HYDIN: variants seen among roughly 807,000 people sequenced by gnomAD.
The protein encoded by HYDIN is axonemal central pair apparatus protein HYDIN.
A neutral mutation model predicts 403.9 loss-of-function variants in HYDIN; 132 were observed. The observed-to-expected ratio is 0.33, with a 90% CI of 0.28 to 0.38. The LOEUF is 0.38. Among genes scored for constraint, HYDIN ranks in the 10% least tolerant of loss-of-function variants. HYDIN has a pLI of 1.00. For synonymous variants in HYDIN, 1,202 were observed against 1,891.7 expected, an observed-to-expected ratio of 0.64 and a Z score of 9.46; for missense variants, 2,827 against 5,009.5, an observed-to-expected ratio of 0.56 and a Z score of 13.15.
At chr16:70,966,801 G>A (rs1222881026) in intron 36 of HYDIN, among the ~76,000 whole-genome samples, 1 of 152,118 alleles carries the variant, frequency 6.6e-6, no homozygotes, top group Non-Finnish European at 1.5e-5. Flanking sequence ...CAGAGAATGA[G>A]CTGTAGACAA....
intron 5 of HYDIN, among the ~76,000 whole-genome samples, chr16:71,168,925 G>A (rs1229585822): frequency 2.0e-5 from 3 of 152,146 alleles, no homozygotes; most frequent in Non-Finnish European, 4.4e-5. Context: ...AATTAGTACA[G>A]CCATTATGGA....
intron 10 of HYDIN, among the ~76,000 whole-genome samples, chr16:71,101,699 G>A (rs1433331163): frequency 6.6e-6 from 1 of 152,138 alleles, no homozygotes; most frequent in Non-Finnish European, 1.5e-5. Flanking sequence ...AATACTAAGA[G>A]AAGTCAAGGT....
chr16:71,227,800 G>GA (rs2041105739), intron 1 of HYDIN, among the ~76,000 whole-genome samples: 1 of 152,084 alleles, frequency 6.6e-6, no homozygotes, highest in Non-Finnish European at 1.5e-5. Context: ...CACAGAATTG[G>GA]AAAAAACTAC....
Position 71,184,917 on chromosome 16 carries a change from C to G in HYDIN, c.209G>C (p.Cys70Ser), listed in dbSNP as rs2087074664. 6.2e-7 allele frequency: 1 copy of G among 1,610,352 alleles called. No homozygotes were observed. Among genetic ancestry groups the G allele is most frequent in the African/African-American group, 1.3e-5 (1 of 74,718 alleles). The stretch of plus-strand genomic sequence containing the variant: ...TAAGAGTTCGATGATCTGTGGTCGG[C>G]ACATCAAACGTGTTTTTGCCAGTCT... Reference protein sequence around the residue: ...EQRLAKTRLMCRPQIIELLDM... With the variant: ...EQRLAKTRLMSRPQIIELLDM... The change falls in exon 3 of 86, where the codon TGC becomes TCC. Residue 70 changes from cysteine (C) to serine (S), a missense_variant. Physicochemically the swap from Cys to Ser is moderately radical, Grantham distance 112 (BLOSUM62 -1). Coordinates refer to ENST00000393567, the MANE Select transcript of HYDIN (RefSeq NM_001270974.2).
chr16:71,200,206 T>C (rs1026811295), intron 1 of HYDIN, among the ~76,000 whole-genome samples: 4 of 152,172 alleles, frequency 2.6e-5, no homozygotes, highest in African/African-American at 7.2e-5. Context: ...ATCAAAGAAA[T>C]AACCCATAAA....
chr16:70,874,904 G>T lies in HYDIN; in HGVS notation c.10573C>A (p.Gln3525Lys), dbSNP rs776475761. Residue 3525 changes from glutamine to lysine, a missense_variant, in exon 63 of 86, where the codon CAG (glutamine) becomes AAG (lysine). Transcript: ENST00000393567. ...VLPAQLHVDL[Q>K]DELGVFSLKG... ...AGGGAGAAGACTCCTAGCTCATCCT[G>T]CAGGTCAACATGCAGCTGGCAGAAG... is the stretch of plus-strand genomic sequence containing the variant. 5 of 1,605,406 alleles carry T rather than the reference G, an allele frequency of 3.1e-6. No individual in the cohort carries two copies. Among genetic ancestry groups the T allele is most frequent in the Non-Finnish European group, 4.2e-6 (5 of 1,177,004 alleles).
intron 1 of HYDIN, among the ~76,000 whole-genome samples, chr16:71,219,878 A>G (rs1298300097): frequency 6.6e-6 from 1 of 152,224 alleles, no homozygotes; most frequent in Admixed American, 6.5e-5. Context: ...ATGAGGAAAC[A>G]GATCTTGGAA....
At chr16:70,921,942 C>G (rs1004370020) in intron 45 of HYDIN, among the ~76,000 whole-genome samples, 6 of 152,218 alleles carry the variant, frequency 3.9e-5, no homozygotes, top group Non-Finnish European at 8.8e-5. Context: ...CTGATTTTCT[C>G]CTCCCCTGGA....
intron 18 of HYDIN, among the ~76,000 whole-genome samples, chr16:71,041,899 A>T (rs8062065): frequency 0.043 from 6,607 of 152,298 alleles, 528 homozygotes; most frequent in African/African-American, 0.15. Flanking sequence ...CTCTTGCTGC[A>T]GTCTCATTCC....
At chr16:70,939,625 T>C (rs2077607473) in intron 43 of HYDIN, among the ~76,000 whole-genome samples, 2 of 152,228 alleles carry the variant, frequency 1.3e-5, no homozygotes, top group South Asian at 2.1e-4. Flanking sequence ...ATCATTCTTA[T>C]CTGTGATTAT....
intron 1 of HYDIN, among the ~76,000 whole-genome samples, chr16:71,224,917 C>A (rs999116238): frequency 1.3e-5 from 2 of 152,136 alleles, no homozygotes; most frequent in Non-Finnish European, 2.9e-5. Context: ...AGGGAAATGG[C>A]CTCTCATCAA....
At chr16:70,928,244 C>T (rs1304767497) in intron 45 of HYDIN, among the ~76,000 whole-genome samples, 2 of 152,220 alleles carry the variant, frequency 1.3e-5, no homozygotes, top group African/African-American at 2.4e-5. Flanking sequence ...GGGTGGACTG[C>T]TTGAGCCCGG....
chr16:71,081,459 G>GC (rs2082783516), intron 12 of HYDIN, among the ~76,000 whole-genome samples: 1 of 151,828 alleles, frequency 6.6e-6, no homozygotes, highest in Admixed American at 6.6e-5. Context: ...AGGCCGACAG[G>GC]CTATATGCTT....
chr16:71,030,257 G>A (rs868567220), intron 19 of HYDIN, among the ~76,000 whole-genome samples: 1 of 151,822 alleles, frequency 6.6e-6, no homozygotes, highest in African/African-American at 2.4e-5. Flanking sequence ...TCCCTATGTT[G>A]CCCAGGCTGG....
intron 1 of HYDIN, among the ~76,000 whole-genome samples, chr16:71,217,204 T>G (rs1436248642): frequency 6.6e-6 from 1 of 152,196 alleles, no homozygotes; most frequent in East Asian, 1.9e-4. Context: ...ATAAGAATAA[T>G]GTACAACTAT....
At chr16:70,932,790 T>C (rs958681459) in intron 45 of HYDIN, among the ~76,000 whole-genome samples, 13 of 152,204 alleles carry the variant, frequency 8.5e-5, no homozygotes, top group Non-Finnish European at 5.9e-5. Context: ...AATAAAAATA[T>C]TCAGTTGTTC....
At chr16:70,999,475 T>C (rs1304081755) in intron 23 of HYDIN, among the ~76,000 whole-genome samples, 1 of 152,132 alleles carries the variant, frequency 6.6e-6, no homozygotes, top group Admixed American at 6.5e-5. Flanking sequence ...TCACAACAGA[T>C]TGAGGAAGAA....
chr16:70,946,686 G>T (rs1304832846), intron 41 of HYDIN, among the ~76,000 whole-genome samples: 1 of 152,168 alleles, frequency 6.6e-6, no homozygotes, highest in Non-Finnish European at 1.5e-5. Context: ...GCTTACCAGA[G>T]TTAGTCATCT....
At chr16:71,167,764 T>C (rs1279927745) in intron 5 of HYDIN, among the ~76,000 whole-genome samples, 1 of 151,880 alleles carries the variant, frequency 6.6e-6, no homozygotes, top group Admixed American at 6.6e-5. Context: ...TCATACATCA[T>C]TATATATTGC....
Sources: allele counts gnomAD v4.1 joint callset (sites outside exome capture counted in the v4.1 genomes callset), GRCh38; gene constraint gnomAD v4.1.1; transcripts MANE v1.5; gene names NCBI Gene and HGNC (gene_info 2026-07-23, HGNC 2026-07-21).